FBLN5: variants seen among roughly 807,000 people sequenced by gnomAD.
FBLN5 encodes fibulin 5, also known as fibulin-5.
A neutral mutation model predicts 61.6 loss-of-function variants in FBLN5; 24 were observed. The observed-to-expected ratio is 0.39, with a 90% CI of 0.28 to 0.55. FBLN5 has a LOEUF of 0.55. Ranked by LOEUF, FBLN5 falls within the 20% of genes least tolerant of loss-of-function variation. FBLN5 has a pLI of 0.65. For synonymous variants in FBLN5, 213 were observed against 219.8 expected, an observed-to-expected ratio of 0.97 and a Z score of 0.27; for missense variants, 470 against 594.1, an observed-to-expected ratio of 0.79 and a Z score of 2.17.
At chr14:91,905,318 G>T (rs1274480264) in intron 4 of FBLN5, among the ~76,000 whole-genome samples, 1 of 152,106 alleles carries the variant, frequency 6.6e-6, no homozygotes, top group Non-Finnish European at 1.5e-5. Context: ...GAGCTTGCAG[G>T]CAAGAGAGGA....
At chr14:91,946,649 G>T in intron 1 of FBLN5, 1 of 1,327,524 alleles carries the variant, frequency 7.5e-7, no homozygotes, top group African/African-American at 1.4e-5. Flanking sequence ...AGTTCTCCAA[G>T]ACTTAAGGAT....
At chr14:91,946,927 C>A in intron 1 of FBLN5, 1 of 1,457,270 alleles carries the variant, frequency 6.9e-7, no homozygotes, top group Non-Finnish European at 9.0e-7. Flanking sequence ...AGTTGCTGCC[C>A]TTTCCAGAAA....
rs544237447 is a variant in FBLN5, at chr14:91,932,975, C to T, written c.379+3972G>A. On this transcript the variant is annotated intron_variant, in intron 4 of 10. Transcript: ENST00000342058. ...CCCTTTGGGGCTCAGCTTGTCATCC[C>T]TCTGGGTGGATATTCCAAGTTCTGG... 3.3e-5 allele frequency among the ~76,000 whole-genome samples: 5 copies of T among 152,370 alleles called. No individual in the cohort carries two copies. The South Asian group carries it at 1.0e-3, about 32-fold the overall frequency.
chr14:91,930,641 T>C (rs1415192207), intron 4 of FBLN5, among the ~76,000 whole-genome samples: 2 of 152,232 alleles, frequency 1.3e-5, no homozygotes, highest in Non-Finnish European at 2.9e-5. Context: ...AAGAAAAGTC[T>C]GTTGGAGTGA....
intron 4 of FBLN5, among the ~76,000 whole-genome samples, chr14:91,933,916 C>G (rs551722758): frequency 4.0e-4 from 61 of 152,142 alleles, no homozygotes; most frequent in African/African-American, 1.4e-3. Flanking sequence ...TTGAGACCAG[C>G]CTGGGCAACA....
In FBLN5 at chr14:91,943,917, G is replaced by A. The variant is rs72705373; in HGVS notation, c.18-956C>T. On this transcript the variant is annotated intron_variant, in intron 1 of 10. Transcript: ENST00000342058. This position sits in a 1 kb window ranked among gnomAD's most constrained non-coding sequence, Gnocchi z 4.0. ...GCGGGAAAACAGGAGGAGGAGTCAC[G>A]CACCCTGGGCTCAGTTCTGCCATGC... Among the ~76,000 whole-genome samples the A allele has an allele frequency of 6.6e-6, 1 of 152,088 alleles. No homozygotes were observed. The highest frequency in any genetic ancestry group is 1.9e-4 in the East Asian group (1 of 5,160).
chr14:91,895,133 C>T, intron 4 of FBLN5, 61 bp from the exon 5 acceptor site: 1 of 1,605,338 alleles, frequency 6.2e-7, no homozygotes, highest in Non-Finnish European at 8.5e-7. Flanking sequence ...CTGGAGCCAC[C>T]AGGGGTGCCA....
chr14:91,937,226 A>G (rs888233793), intron 3 of FBLN5, 25 bp from the exon 4 acceptor site: 1 of 1,613,874 alleles, frequency 6.2e-7, no homozygotes, highest in Non-Finnish European at 8.5e-7. Flanking sequence ...AAGGGCGAGC[A>G]TTAGTGGCAC....
At chr14:91,886,597 C>T (rs923231604) in intron 7 of FBLN5, among the ~76,000 whole-genome samples, 5 of 152,174 alleles carry the variant, frequency 3.3e-5, no homozygotes, top group African/African-American at 1.2e-4. Context: ...GTTCTCACAA[C>T]AAATTATTAC....
At position 91,882,937 on chromosome 14, in the gene FBLN5, C is replaced by G. The variant is rs960870996; in HGVS notation, c.862+17G>C. ...CTCACACATACACCCCAGCCAGGCC[C>G]CTCCGGACAGCCTTACCTTGGCAGC... On this transcript the variant is annotated intron_variant, in intron 8 of 10. Coordinates refer to ENST00000342058, the MANE Select transcript of FBLN5 (RefSeq NM_006329.4). This position sits in a 1 kb window ranked among gnomAD's most constrained non-coding sequence, Gnocchi z 4.9. The G allele has an allele frequency of 6.2e-7, 1 of 1,613,144 alleles. No individual in the cohort carries two copies. The highest frequency in any genetic ancestry group is 1.3e-5 in the African/African-American group (1 of 74,898).
chr14:91,926,796 G>A (rs1156804269), intron 4 of FBLN5, among the ~76,000 whole-genome samples: 1 of 151,774 alleles, frequency 6.6e-6, no homozygotes, highest in Admixed American at 6.6e-5. Context: ...GAGTGGACGG[G>A]GGGCAGTGGA....
rs1254864054 is a variant in FBLN5 at position 91,881,126 on chromosome 14, CA to C, written c.989+165del. Among the ~76,000 whole-genome samples, 13,821 of 150,162 alleles carry C rather than the reference CA, an allele frequency of 0.092. 1,113 individuals are homozygous for C. Among genetic ancestry groups the C allele is most frequent in the African/African-American group, 0.22 (8,741 of 40,500 alleles). On this transcript the variant is annotated intron_variant, in intron 9 of 10. Coordinates refer to ENST00000342058, the MANE Select transcript of FBLN5 (RefSeq NM_006329.4). ...ATTCTACTCTGTTCTATTCTACACA[CA>C]CACACACACACACACACACACACAC...
intron 4 of FBLN5, among the ~76,000 whole-genome samples, chr14:91,929,080 AACACACACAC>A (rs113397883): frequency 0.061 from 8,688 of 143,102 alleles, 358 homozygotes; most frequent in Middle Eastern, 0.12. Context: ...CCTGTCTCAA[AACACACACAC>A]ACACACACAC....
intron 9 of FBLN5, among the ~76,000 whole-genome samples, chr14:91,880,715 T>C (rs1384817331): frequency 1.3e-5 from 2 of 152,046 alleles, no homozygotes; most frequent in Non-Finnish European, 2.9e-5. Context: ...GCCCAGCTAA[T>C]TTTTTTGGTA....
chr14:91,902,452 C>G (rs1890500502), intron 4 of FBLN5, among the ~76,000 whole-genome samples: 1 of 152,030 alleles, frequency 6.6e-6, no homozygotes, highest in African/African-American at 2.4e-5. Context: ...ACCTGGTTAC[C>G]CAAGAGAATT....
chr14:91,936,809 T>C (rs974207752), intron 4 of FBLN5, 138 bp downstream of exon 4: 10 of 1,051,828 alleles, frequency 9.5e-6, no homozygotes, highest in African/African-American at 1.6e-5. Flanking sequence ...AAGAGTGAAA[T>C]AAGTATGCAG....
intron 4 of FBLN5, among the ~76,000 whole-genome samples, chr14:91,902,734 G>C (rs1303424620): frequency 6.6e-6 from 1 of 152,216 alleles, no homozygotes; most frequent in Non-Finnish European, 1.5e-5. Context: ...GTGCTAGACT[G>C]TTCCAAGTGG....
chr14:91,931,214 T>C (rs1413539645), intron 4 of FBLN5, among the ~76,000 whole-genome samples: 1 of 152,218 alleles, frequency 6.6e-6, no homozygotes, highest in Non-Finnish European at 1.5e-5. Flanking sequence ...AGGCTTCTTA[T>C]CTCTGCCTTC....
At chr14:91,933,828 A>C (rs562414248) in intron 4 of FBLN5, among the ~76,000 whole-genome samples, 1 of 152,122 alleles carries the variant, frequency 6.6e-6, no homozygotes, top group Non-Finnish European at 1.5e-5. Flanking sequence ...AAAGAGAGAT[A>C]GCTGGGTGCC....
Sources: gnomAD v4.1 joint callset for allele counts (sites outside exome capture counted in the v4.1 genomes callset) on GRCh38, gnomAD v4.1.1 for gene constraint, Gnocchi (gnomAD v3.1) non-coding constraint, MANE v1.5 for transcripts, NCBI Gene and HGNC (gene_info 2026-07-23, HGNC 2026-07-21) for gene names.